Variants in TAF3 observed in about 807,000 individuals in gnomAD.
TAF3 encodes the protein TATA-box binding protein associated factor 3.
TAF3 carries 7 observed loss-of-function variants against 80.6 expected under a neutral mutation model. The observed-to-expected ratio is 0.09, with a 90% CI of 0.05 to 0.16. The LOEUF is 0.16. Ranked by LOEUF, TAF3 falls within the 10% of genes least tolerant of loss-of-function variation. TAF3 has a pLI of 1.00. For missense variants in TAF3, 921 were observed against 1,140.2 expected, an observed-to-expected ratio of 0.81 and a Z score of 2.77; for synonymous variants, 444 against 446.1, an observed-to-expected ratio of 1.00 and a Z score of 0.06.
chr10:7,949,288 TAA>T (rs1430431608), intron 2 of TAF3, among the ~76,000 whole-genome samples: 3 of 152,196 alleles, frequency 2.0e-5, no homozygotes, highest in Non-Finnish European at 2.9e-5. Flanking sequence ...CAGCCGGAAA[TAA>T]AGAGTGGGCT....
At chr10:7,952,621 G>A (rs1314621465) in intron 2 of TAF3, among the ~76,000 whole-genome samples, 1 of 152,120 alleles carries the variant, frequency 6.6e-6, no homozygotes, top group Non-Finnish European at 1.5e-5. Context: ...TGCTTATATA[G>A]CATTTTAGTT....
intron 2 of TAF3, among the ~76,000 whole-genome samples, chr10:7,907,095 A>C (rs1837614438): frequency 6.6e-6 from 1 of 152,142 alleles, no homozygotes; most frequent in Admixed American, 6.5e-5. Context: ...TGAATAACTT[A>C]CAGCAATTTT....
At chr10:7,945,950 C>T (rs888547762) in intron 2 of TAF3, among the ~76,000 whole-genome samples, 50 of 152,202 alleles carry the variant, frequency 3.3e-4, no homozygotes, top group Admixed American at 2.9e-3. Flanking sequence ...CATTGCCAGG[C>T]GGACACAGAT....
At chr10:8,005,021 TCCCTC>T (rs1831978764) in intron 4 of TAF3, among the ~76,000 whole-genome samples, 1 of 152,238 alleles carries the variant, frequency 6.6e-6, no homozygotes, top group East Asian at 1.9e-4. Context: ...TGTTGTTAAA[TCCCTC>T]CTTTCAATTT....
intron 4 of TAF3, among the ~76,000 whole-genome samples, chr10:8,000,719 C>T (rs778254360): frequency 2.6e-5 from 4 of 152,176 alleles, no homozygotes; most frequent in Non-Finnish European, 5.9e-5. Context: ...GCAGAGGTTG[C>T]AGTGAGCCAA....
At chr10:7,992,505 C>T (rs544743964) in intron 4 of TAF3, among the ~76,000 whole-genome samples, 27 of 148,896 alleles carry the variant, frequency 1.8e-4, no homozygotes, top group Non-Finnish European at 3.9e-4. Flanking sequence ...AAGGTGATTA[C>T]TCCCAACTAG....
chr10:7,969,979 A>T (rs1030392324), intron 3 of TAF3, among the ~76,000 whole-genome samples: 7 of 152,382 alleles, frequency 4.6e-5, no homozygotes, highest in Non-Finnish European at 8.8e-5. Flanking sequence ...GCTTAAAAAC[A>T]GTAGTTTCAT....
intron 3 of TAF3, among the ~76,000 whole-genome samples, chr10:7,972,462 A>G (rs1325343802): frequency 3.9e-5 from 6 of 152,174 alleles, no homozygotes; most frequent in African/African-American, 7.2e-5. Context: ...GCCTGGGACA[A>G]TCCCAGTTAT....
chr10:7,883,289 A>T (rs886352279), intron 2 of TAF3, among the ~76,000 whole-genome samples: 3 of 152,174 alleles, frequency 2.0e-5, no homozygotes, highest in Non-Finnish European at 4.4e-5. Context: ...AAGAGAACAA[A>T]CTAGTTATTT....
intron 2 of TAF3, among the ~76,000 whole-genome samples, chr10:7,875,674 CA>C (rs1356985967): frequency 6.6e-6 from 1 of 152,096 alleles, no homozygotes; most frequent in East Asian, 1.9e-4. Context: ...CTTTAAAAAC[CA>C]GAACAATGGT....
At chr10:7,994,934 C>A (rs1255200999) in intron 4 of TAF3, among the ~76,000 whole-genome samples, 2 of 143,706 alleles carry the variant, frequency 1.4e-5, no homozygotes, top group Non-Finnish European at 3.0e-5. Context: ...GAGATCACAC[C>A]ACTGCACTCC....
chr10:7,826,618 A>G (rs1349196517), intron 2 of TAF3, among the ~76,000 whole-genome samples: 2 of 152,236 alleles, frequency 1.3e-5, no homozygotes, highest in Non-Finnish European at 2.9e-5. Flanking sequence ...AATCTTGAGA[A>G]CACTACTTTT....
rs186970378 is a variant in TAF3, at chr10:7,948,107, G to A, written c.410-15813G>A. ...AGACAGGGTCTCACTCTGTTGCCCC[G>A]GCTGGAACGCAGTGGTACGAACATA... On this transcript the variant is annotated intron_variant, in intron 2 of 6. Transcript: ENST00000344293. 1.0e-4 allele frequency among the ~76,000 whole-genome samples: 15 copies of A among 149,966 alleles called. No individual in the cohort carries two copies. In the East Asian group the frequency reaches 2.1e-3, roughly 21 times the overall value.
chr10:7,943,560 A>G lies in TAF3; in HGVS notation c.410-20360A>G, dbSNP rs116417641. On this transcript the variant is annotated intron_variant, in intron 2 of 6. Coordinates refer to ENST00000344293, the MANE Select transcript of TAF3 (RefSeq NM_031923.4). ...TGCCAGGAGTGCCTGAGAGCCACCA[A>G]ACTTGCACACTGCTAGACACAAATT... 7.4e-3 allele frequency among the ~76,000 whole-genome samples: 1,126 copies of G among 152,232 alleles called. 13 individuals are homozygous for G. The highest frequency in any genetic ancestry group is 0.026 in the African/African-American group (1,061 of 41,526).
At chr10:7,951,749 T>A (rs1399658879) in intron 2 of TAF3, among the ~76,000 whole-genome samples, 1 of 152,212 alleles carries the variant, frequency 6.6e-6, no homozygotes, top group African/African-American at 2.4e-5. Context: ...ACATACTTTG[T>A]CTTACTGTTA....
chr10:7,893,205 A>C (rs1837474262), intron 2 of TAF3, among the ~76,000 whole-genome samples: 1 of 152,212 alleles, frequency 6.6e-6, no homozygotes, highest in Admixed American at 6.5e-5. Context: ...GGAAAATTGC[A>C]GATTACTTCT....
chr10:7,976,734 G>A (rs554638491), intron 3 of TAF3, among the ~76,000 whole-genome samples: 1 of 152,074 alleles, frequency 6.6e-6, no homozygotes, highest in African/African-American at 2.4e-5. Flanking sequence ...ATTTCAGATT[G>A]TTTTACCCCT....
At chr10:8,014,573 A>C (rs1007930019) in intron 6 of TAF3, 64 bp from the exon 7 acceptor site, 2 of 1,402,640 alleles carry the variant, frequency 1.4e-6, no homozygotes, top group Non-Finnish European at 1.9e-6. Context: ...ACTTTAAAAC[A>C]TGGAAGGGAG....
intron 4 of TAF3, among the ~76,000 whole-genome samples, chr10:7,999,747 G>A (rs548527800): frequency 4.6e-5 from 7 of 152,186 alleles, no homozygotes; most frequent in South Asian, 2.1e-4. Flanking sequence ...GTGAGCCACC[G>A]TGCCCAGCCC....
Sources: allele counts gnomAD v4.1 joint callset (sites outside exome capture counted in the v4.1 genomes callset), GRCh38; gene constraint gnomAD v4.1.1; transcripts MANE v1.5; gene names NCBI Gene and HGNC (gene_info 2026-07-23, HGNC 2026-07-21).